SH3BGRL: variants seen among roughly 807,000 people sequenced by gnomAD.
SH3BGRL encodes adapter SH3BGRL.
A neutral mutation model predicts 9.8 loss-of-function variants in SH3BGRL; 7 were observed. The observed-to-expected ratio is 0.72, with a 90% CI of 0.41 to 1.35. The LOEUF is 1.35. Among genes scored for constraint, SH3BGRL ranks in the 40% most tolerant of loss-of-function variants. SH3BGRL has a pLI of 0.01. For synonymous variants in SH3BGRL, 36 were observed against 29.1 expected (o/e 1.24, Z -0.76); for missense variants, 73 against 84.4 (o/e 0.86, Z 0.53).
chrX:81,219,286 C>G, intron 1 of SH3BGRL, among the ~76,000 whole-genome samples: 1 of 110,170 alleles, frequency 9.1e-6, no homozygotes, highest in Middle Eastern at 4.7e-3. Flanking sequence ...TTTCAGTCTT[C>G]TTGAGTTTCT....
intron 1 of SH3BGRL, among the ~76,000 whole-genome samples, chrX:81,263,186 G>A (rs1170322836): frequency 9.0e-6 from 1 of 111,147 alleles, no homozygotes; most frequent in Non-Finnish European, 1.9e-5. Flanking sequence ...CTGGAGTGTT[G>A]GGCATGACAT....
chrX:81,280,494 G>T (rs780145441), intron 3 of SH3BGRL, among the ~76,000 whole-genome samples: 3 of 111,807 alleles, frequency 2.7e-5, no homozygotes, highest in South Asian at 3.8e-4. Context: ...CACATCGCAG[G>T]ACTCTGTGCA....
At chrX:81,268,799 C>T (rs1224495442) in intron 1 of SH3BGRL, among the ~76,000 whole-genome samples, 1 of 111,218 alleles carries the variant, frequency 9.0e-6, no homozygotes, top group Non-Finnish European at 1.9e-5. Context: ...ATTGATCTGT[C>T]TAATATTGAC....
At chrX:81,247,854 T>G (rs1319273237) in intron 1 of SH3BGRL, among the ~76,000 whole-genome samples, 2 of 110,753 alleles carry the variant, frequency 1.8e-5, no homozygotes, top group African/African-American at 6.6e-5. Flanking sequence ...TTCCTCCTTG[T>G]TTTGGGAATA....
intron 1 of SH3BGRL, among the ~76,000 whole-genome samples, chrX:81,269,034 T>C (rs1335537463): frequency 1.8e-5 from 2 of 111,577 alleles, no homozygotes; most frequent in Admixed American, 9.5e-5. Flanking sequence ...AGACCAGGAT[T>C]GCAACTCCTG....
Position 81,219,153 on chromosome X carries a change from A to C in SH3BGRL, c.45+16908A>C, listed in dbSNP as rs1569357875. 3.6e-5 allele frequency among the ~76,000 whole-genome samples: 4 copies of C among 110,563 alleles called. No individual in the cohort carries two copies. The Admixed American group carries it at 3.9e-4, about 11-fold the overall frequency. ...GTCACAAAAAGATCATCACCTAGGC[A>C]CATGGTCATCAGGTTACATAAAATC... On this transcript the variant is annotated intron_variant, in intron 1 of 3. Coordinates refer to ENST00000373212, the MANE Select transcript of SH3BGRL (RefSeq NM_003022.3).
intron 1 of SH3BGRL, among the ~76,000 whole-genome samples, chrX:81,265,123 C>A (rs749889739): frequency 1.9e-5 from 2 of 106,895 alleles, no homozygotes; most frequent in Non-Finnish European, 3.8e-5. Context: ...ATTATGTAAG[C>A]CTTAACGTGT....
At chrX:81,213,558 C>T (rs1430510945) in intron 1 of SH3BGRL, among the ~76,000 whole-genome samples, 1 of 110,859 alleles carries the variant, frequency 9.0e-6, no homozygotes, top group Non-Finnish European at 1.9e-5. Flanking sequence ...ATTTCTGTTC[C>T]TAATGAACAG....
At chrX:81,287,820 A>G (rs772877068) in intron 3 of SH3BGRL, among the ~76,000 whole-genome samples, 1 of 111,119 alleles carries the variant, frequency 9.0e-6, no homozygotes, top group South Asian at 3.8e-4. Context: ...AGAAATGGCA[A>G]TACCAATTTT....
At chrX:81,230,315 A>G (rs2075629096) in intron 1 of SH3BGRL, among the ~76,000 whole-genome samples, 1 of 112,189 alleles carries the variant, frequency 8.9e-6, no homozygotes, top group Non-Finnish European at 1.9e-5. Context: ...ACTGGAAAAT[A>G]CAGACGTTAA....
intron 1 of SH3BGRL, among the ~76,000 whole-genome samples, chrX:81,212,184 T>C (rs1022721809): frequency 9.1e-6 from 1 of 110,334 alleles, no homozygotes; most frequent in East Asian, 2.8e-4. Flanking sequence ...CATTTGAGGC[T>C]AGGCGTTTGA....
At chrX:81,273,799 C>T (rs2075788980) in intron 1 of SH3BGRL, among the ~76,000 whole-genome samples, 1 of 110,922 alleles carries the variant, frequency 9.0e-6, no homozygotes, top group African/African-American at 3.3e-5. Context: ...TGTCACTCCC[C>T]TTTTTTGAAA....
At chrX:81,205,502 G>GTATATATATATA (rs770003979) in intron 1 of SH3BGRL, among the ~76,000 whole-genome samples, 2 of 88,962 alleles carry the variant, frequency 2.2e-5, no homozygotes, top group Admixed American at 1.2e-4. Context: ...GTGTGTGTGT[G>GTATATATATATA]TGTATATATA....
At chrX:81,254,546 C>G (rs1339477913) in intron 1 of SH3BGRL, among the ~76,000 whole-genome samples, 1 of 112,068 alleles carries the variant, frequency 8.9e-6, no homozygotes, top group East Asian at 2.8e-4. Context: ...ACTTTACCAA[C>G]TATAGAGGAA....
At chrX:81,209,407 T>C (rs746421441) in intron 1 of SH3BGRL, among the ~76,000 whole-genome samples, 6 of 111,841 alleles carry the variant, frequency 5.4e-5, no homozygotes, top group Non-Finnish European at 7.5e-5. Context: ...TTTTACTTAA[T>C]TTATCTTTAC....
At chrX:81,285,059 T>G (rs868265372) in intron 3 of SH3BGRL, among the ~76,000 whole-genome samples, 9 of 110,757 alleles carry the variant, frequency 8.1e-5, no homozygotes, top group Non-Finnish European at 1.7e-4. Flanking sequence ...ATAGGGAGAT[T>G]TTGAATTTTG....
intron 1 of SH3BGRL, among the ~76,000 whole-genome samples, chrX:81,211,453 G>A (rs750154851): frequency 2.4e-3 from 265 of 111,316 alleles, no homozygotes; most frequent in Middle Eastern, 4.7e-3. Context: ...CGGGCGTGGT[G>A]GCGGGCGCCT....
chrX:81,233,270 A>G (rs1410179007), intron 1 of SH3BGRL, among the ~76,000 whole-genome samples: 2 of 112,129 alleles, frequency 1.8e-5, no homozygotes, highest in African/African-American at 6.5e-5. Flanking sequence ...GTTTAAGTGC[A>G]AGACTTATTT....
At chrX:81,219,473 C>A (rs960570536) in intron 1 of SH3BGRL, among the ~76,000 whole-genome samples, 1 of 111,061 alleles carries the variant, frequency 9.0e-6, no homozygotes, top group Non-Finnish European at 1.9e-5. Flanking sequence ...GATTTTGTAT[C>A]CTGCAACTGT....
Sources: allele counts gnomAD v4.1 joint callset (sites outside exome capture counted in the v4.1 genomes callset), GRCh38; gene constraint gnomAD v4.1.1; transcripts MANE v1.5; gene names NCBI Gene and HGNC (gene_info 2026-07-23, HGNC 2026-07-21).